The following CTNND2 variants were observed in gnomAD, a reference collection of about 807,000 sequenced individuals.
The protein encoded by CTNND2 is catenin delta-2.
CTNND2 carries 22 observed loss-of-function variants against 144.4 expected under a neutral mutation model. The observed-to-expected ratio is 0.15, with a 90% CI of 0.11 to 0.22. The LOEUF is 0.22. Among genes scored for constraint, CTNND2 ranks in the 10% least tolerant of loss-of-function variants. The probability of loss-of-function intolerance (pLI) is 1.00; values close to 1 mark genes in which losing one functional copy is unlikely to be tolerated. For missense variants in CTNND2, 1,353 were observed against 1,618.8 expected, an observed-to-expected ratio of 0.84 and a Z score of 2.82; for synonymous variants, 751 against 695.6, an observed-to-expected ratio of 1.08 and a Z score of -1.25.
At chr5:11,632,578 A>G (rs1394894554) in intron 2 of CTNND2, among the ~76,000 whole-genome samples, 2 of 152,188 alleles carry the variant, frequency 1.3e-5, no homozygotes, top group Non-Finnish European at 2.9e-5. Context: ...TCACCCAATG[A>G]AACATGAAAG....
Position 11,475,550 on chromosome 5 carries a change from G to T in CTNND2, c.288-63481C>A, listed in dbSNP as rs371013179. ...GGATGAACTCTAATCAAGACAAAAG[G>T]AATATCCAAACTTGGATGTGCTGAT... On this transcript the variant is annotated intron_variant, in intron 3 of 21. Transcript: ENST00000304623. Among the ~76,000 whole-genome samples the T allele has an allele frequency of 2.0e-5, 3 of 152,170 alleles. No homozygotes were observed. The East Asian group carries it at 5.8e-4, about 29-fold the overall frequency.
chr5:11,654,385 T>G, intron 2 of CTNND2, among the ~76,000 whole-genome samples: 1 of 152,126 alleles, frequency 6.6e-6, no homozygotes, highest in East Asian at 1.9e-4. Context: ...TCTCTCAATT[T>G]GTGTCATCTT....
intron 1 of CTNND2, among the ~76,000 whole-genome samples, chr5:11,891,482 A>G (rs1736957933): frequency 6.6e-6 from 1 of 152,154 alleles, no homozygotes; most frequent in African/African-American, 2.4e-5. Context: ...CAACAAAGTA[A>G]TATGATGAAG....
chr5:11,452,813 A>G (rs1320790038), intron 3 of CTNND2, among the ~76,000 whole-genome samples: 1 of 152,212 alleles, frequency 6.6e-6, no homozygotes, highest in Non-Finnish European at 1.5e-5. Flanking sequence ...TTGAAATTTG[A>G]AATACACATA....
intron 3 of CTNND2, among the ~76,000 whole-genome samples, chr5:11,473,693 G>A (rs1228875937): frequency 6.6e-6 from 1 of 152,200 alleles, no homozygotes; most frequent in Non-Finnish European, 1.5e-5. Flanking sequence ...CAGCAGGTGT[G>A]TCCACAGGCA....
intron 5 of CTNND2, among the ~76,000 whole-genome samples, chr5:11,402,199 T>C (rs1464914712): frequency 6.6e-6 from 1 of 152,174 alleles, no homozygotes; most frequent in Non-Finnish European, 1.5e-5. Flanking sequence ...TTAGAGACAG[T>C]TCTCCGTTTC....
chr5:11,510,706 G>A (rs939321054), intron 3 of CTNND2, among the ~76,000 whole-genome samples: 4 of 152,154 alleles, frequency 2.6e-5, no homozygotes, highest in Admixed American at 6.5e-5. Context: ...CAAGGCGGGC[G>A]GATCACTTGA....
At chr5:11,007,496 A>G (rs1257991700) in intron 18 of CTNND2, among the ~76,000 whole-genome samples, 1 of 152,222 alleles carries the variant, frequency 6.6e-6, no homozygotes, top group Non-Finnish European at 1.5e-5. Flanking sequence ...ACACGTGGCA[A>G]CAACAAGAAA....
intron 2 of CTNND2, among the ~76,000 whole-genome samples, chr5:11,642,722 T>C (rs1782132142): frequency 6.6e-6 from 1 of 152,184 alleles, no homozygotes; most frequent in Non-Finnish European, 1.5e-5. Flanking sequence ...AATTTAATTA[T>C]AATAAGAAAC....
intron 3 of CTNND2, among the ~76,000 whole-genome samples, chr5:11,495,254 T>C (rs2149999548): frequency 6.6e-6 from 1 of 152,296 alleles, no homozygotes; most frequent in East Asian, 1.9e-4. Flanking sequence ...ATTATCGAAA[T>C]ATGTGGAATG....
chr5:11,388,474 C>T (rs2149804808), intron 6 of CTNND2, among the ~76,000 whole-genome samples: 1 of 152,352 alleles, frequency 6.6e-6, no homozygotes, highest in East Asian at 1.9e-4. Flanking sequence ...TGGCCACCTT[C>T]TTGGACAGCA....
intron 2 of CTNND2, among the ~76,000 whole-genome samples, chr5:11,587,829 A>G (rs1344947976): frequency 6.6e-6 from 1 of 152,164 alleles, no homozygotes; most frequent in African/African-American, 2.4e-5. Context: ...ATATATAACA[A>G]TCTAAAATAT....
chr5:11,801,581 T>A (rs912422021), intron 1 of CTNND2, among the ~76,000 whole-genome samples: 1 of 152,208 alleles, frequency 6.6e-6, no homozygotes, highest in Non-Finnish European at 1.5e-5. Flanking sequence ...ATGAGATAGC[T>A]GGCACCCTCC....
At chr5:11,247,899 CT>C (rs1743164606) in intron 9 of CTNND2, among the ~76,000 whole-genome samples, 1 of 152,086 alleles carries the variant, frequency 6.6e-6, no homozygotes, top group African/African-American at 2.4e-5. Flanking sequence ...TGCAACTAGA[CT>C]TTTTCAATAA....
chr5:11,237,460 TAC>T (rs1207003807), intron 9 of CTNND2, among the ~76,000 whole-genome samples: 2 of 152,220 alleles, frequency 1.3e-5, no homozygotes, highest in Non-Finnish European at 2.9e-5. Flanking sequence ...GATTTTAATA[TAC>T]ACATTTTCAT....
At chr5:11,560,044 C>T (rs1166473700) in intron 3 of CTNND2, among the ~76,000 whole-genome samples, 1 of 152,174 alleles carries the variant, frequency 6.6e-6, no homozygotes, top group Non-Finnish European at 1.5e-5. Flanking sequence ...TCCATTCTTC[C>T]TGCCTTGCTC....
intron 10 of CTNND2, among the ~76,000 whole-genome samples, chr5:11,208,018 G>A (rs1233913475): frequency 6.6e-6 from 1 of 151,832 alleles, no homozygotes; most frequent in African/African-American, 2.4e-5. Context: ...AAAAATGAAA[G>A]CTTCCTCATG....
chr5:11,059,379 T>G (rs374583366), intron 16 of CTNND2, among the ~76,000 whole-genome samples: 1 of 152,218 alleles, frequency 6.6e-6, no homozygotes, highest in African/African-American at 2.4e-5. Flanking sequence ...GGAGCTCCCC[T>G]GCACAAACTC....
intron 18 of CTNND2, among the ~76,000 whole-genome samples, chr5:10,993,258 C>G (rs1422083093): frequency 1.3e-5 from 2 of 152,158 alleles, no homozygotes; most frequent in Non-Finnish European, 2.9e-5. Flanking sequence ...TCCTACCAAG[C>G]CTCCGTTAGG....
Sources: gnomAD v4.1 joint callset for allele counts (sites outside exome capture counted in the v4.1 genomes callset) on GRCh38, gnomAD v4.1.1 for gene constraint, MANE v1.5 for transcripts, NCBI Gene and HGNC (gene_info 2026-07-23, HGNC 2026-07-21) for gene names.